TMEM181: variants seen among roughly 807,000 people sequenced by gnomAD.
The protein encoded by TMEM181 is G protein-coupled receptor 178.
Under a neutral mutation model 71.9 loss-of-function variants are expected in TMEM181, and 39 were observed. That is an observed-to-expected ratio of 0.54 (90% CI 0.42 to 0.71). The LOEUF is 0.71. Ranked by LOEUF, TMEM181 falls within the 30% of genes least tolerant of loss-of-function variation. The probability of loss-of-function intolerance (pLI) is 0.00; values close to 1 mark genes in which losing one functional copy is unlikely to be tolerated. For missense variants in TMEM181, 595 were observed against 583.0 expected (o/e 1.02, Z -0.21); for synonymous variants, 245 against 228.8 (o/e 1.07, Z -0.64).
Position 158,605,358 on chromosome 6 carries a change from T to A in TMEM181, c.573+11T>A, listed in dbSNP as rs1205206937. 1.2e-6 allele frequency: 2 copies of A among 1,613,340 alleles called. No homozygotes were observed. The highest frequency in any genetic ancestry group is 2.7e-5 in the African/African-American group (2 of 74,918). ...ACCTTCATCGTCACTGTGAGTACCA[T>A]TCGCCTGATGGACCGCAGCAGATCC... is the stretch of plus-strand genomic sequence containing the variant. On this transcript the variant is annotated intron_variant, in intron 7 of 16. Transcript: ENST00000684151.
chr6:158,576,845 G>C (rs1207028921), intron 2 of TMEM181, among the ~76,000 whole-genome samples: 1 of 151,870 alleles, frequency 6.6e-6, no homozygotes, highest in East Asian at 1.9e-4. Context: ...GGTGGATCAC[G>C]ACGTCAGGAG....
chr6:158,581,145 T>A, intron 3 of TMEM181, 150 bp downstream of exon 3: 1 of 722,026 alleles, frequency 1.4e-6, no homozygotes, highest in South Asian at 2.2e-5. Flanking sequence ...TGTCAGCTGC[T>A]GGCATCTGGG....
At chr6:158,583,007 G>C (rs768839923) in intron 3 of TMEM181, among the ~76,000 whole-genome samples, 17 of 152,122 alleles carry the variant, frequency 1.1e-4, no homozygotes, top group South Asian at 8.3e-4. Context: ...GGCCGAGGTG[G>C]GCTGATCATG....
chr6:158,552,319 T>C (rs906342949), intron 1 of TMEM181, among the ~76,000 whole-genome samples: 9 of 152,214 alleles, frequency 5.9e-5, no homozygotes, highest in Admixed American at 5.9e-4. Flanking sequence ...CACTTAGATA[T>C]CTTGGAAGTT....
rs971552528 is a variant in TMEM181, at chr6:158,634,767, A to G, written c.*2879A>G. 6.6e-6 allele frequency: 1 copy of G among 152,166 alleles called. No individual in the cohort carries two copies. The highest frequency in any genetic ancestry group is 2.1e-4 in the South Asian group (1 of 4,830). 9.4% of individuals were successfully genotyped at this position (152,166 alleles called of 1,614,324 possible). The stretch of plus-strand genomic sequence containing the variant: ...ACATTTTGTAAACCCAACCCACTAA[A>G]TGAGCAGGTTACAAGACAAATGTCA... On this transcript the variant is annotated 3_prime_UTR_variant, in exon 17 of 17. Transcript: ENST00000684151.
chr6:158,564,683 T>C (rs1782386137), intron 1 of TMEM181, among the ~76,000 whole-genome samples: 1 of 152,228 alleles, frequency 6.6e-6, no homozygotes, highest in Non-Finnish European at 1.5e-5. Context: ...GAGATGAATC[T>C]TCTGCCTCTC....
At chr6:158,537,157 C>A (rs893569674) in intron 1 of TMEM181, among the ~76,000 whole-genome samples, 6 of 152,106 alleles carry the variant, frequency 3.9e-5, no homozygotes, top group South Asian at 2.1e-4. Context: ...CCGAGGCTCC[C>A]GCCTCCCCGG....
intron 1 of TMEM181, among the ~76,000 whole-genome samples, chr6:158,560,615 T>A (rs899838057): frequency 6.6e-6 from 1 of 152,090 alleles, no homozygotes; most frequent in African/African-American, 2.4e-5. Context: ...CAGCCTCTCC[T>A]GCCGGAAAGG....
At chr6:158,560,693 G>C (rs1782113521) in intron 1 of TMEM181, among the ~76,000 whole-genome samples, 1 of 152,220 alleles carries the variant, frequency 6.6e-6, no homozygotes, top group Non-Finnish European at 1.5e-5. Flanking sequence ...CCAGCGCCGG[G>C]TGCGAGGCTC....
At chr6:158,608,606 C>A in intron 9 of TMEM181, 53 bp from the exon 10 acceptor site, 1 of 1,595,292 alleles carries the variant, frequency 6.3e-7, no homozygotes, top group Non-Finnish European at 8.5e-7. Context: ...ACGTTATGTA[C>A]AATTACCAAT....
intron 1 of TMEM181, among the ~76,000 whole-genome samples, chr6:158,568,594 T>C (rs2128290454): frequency 6.6e-6 from 1 of 152,300 alleles, no homozygotes; most frequent in Admixed American, 6.5e-5. Flanking sequence ...TTTAGAAATA[T>C]CCTCCCTTGG....
chr6:158,571,445 A>ATCT (rs1782832171), intron 1 of TMEM181, among the ~76,000 whole-genome samples: 2 of 133,182 alleles, frequency 1.5e-5, no homozygotes, highest in African/African-American at 2.8e-5. Context: ...TACAGGCCTG[A>ATCT]GCCACCACGC....
intron 2 of TMEM181, among the ~76,000 whole-genome samples, chr6:158,578,385 T>G (rs1210347259): frequency 6.6e-6 from 1 of 152,214 alleles, no homozygotes; most frequent in African/African-American, 2.4e-5. Flanking sequence ...CAACGTTATT[T>G]GAAAGACACA....
chr6:158,584,056 G>C lies in TMEM181; in HGVS notation c.259+12G>C. The stretch of plus-strand genomic sequence containing the variant: ...GGATCAATCAAAAGGTATGGAGCTT[G>C]ACATTTTGGAATGATTTTTCATTAT... On this transcript the variant is annotated intron_variant, in intron 4 of 16. Coordinates refer to ENST00000684151, the MANE Select transcript of TMEM181 (RefSeq NM_001376852.1). The C allele has an allele frequency of 1.9e-6, 3 of 1,580,612 alleles. No homozygotes were observed. The highest frequency in any genetic ancestry group is 2.6e-6 in the Non-Finnish European group (3 of 1,164,226).
chr6:158,598,146 C>A (rs1010434884), intron 6 of TMEM181, among the ~76,000 whole-genome samples: 15 of 152,208 alleles, frequency 9.9e-5, no homozygotes, highest in African/African-American at 3.6e-4. Flanking sequence ...TATGCAGTGA[C>A]CTTTGACACT....
intron 1 of TMEM181, among the ~76,000 whole-genome samples, chr6:158,571,205 T>C (rs567111607): frequency 1.4e-4 from 22 of 152,284 alleles, no homozygotes; most frequent in Admixed American, 4.6e-4. Context: ...CGTGCCATTC[T>C]CCCGCCTCAG....
In TMEM181 at chr6:158,608,491, G is replaced by A. The variant is rs372929273; in HGVS notation, c.804+28G>A. 1.9e-5 allele frequency: 31 copies of A among 1,613,890 alleles called. No homozygotes were observed. In the South Asian group the frequency reaches 2.9e-4, roughly 15 times the overall value. The stretch of plus-strand genomic sequence containing the variant: ...GAGCCGGAGCCGCCCTCACTGCCGG[G>A]GGAGGTTCCAGACTGTGTCCTCCCT... On this transcript the variant is annotated intron_variant, in intron 9 of 16. Transcript: ENST00000684151.
chr6:158,539,545 C>G (rs922158146), intron 1 of TMEM181, among the ~76,000 whole-genome samples: 1 of 152,238 alleles, frequency 6.6e-6, no homozygotes, highest in African/African-American at 2.4e-5. Flanking sequence ...GGACTCACCT[C>G]ACGTGGTTGG....
At chr6:158,536,928 AC>A in intron 1 of TMEM181, 5 of 1,193,060 alleles carry the variant, frequency 4.2e-6, no homozygotes, top group Non-Finnish European at 5.2e-6. Flanking sequence ...CCCCTCCGGG[AC>A]CCCGGCGCGC....
Sources: gnomAD v4.1 joint callset for allele counts (sites outside exome capture counted in the v4.1 genomes callset) on GRCh38, gnomAD v4.1.1 for gene constraint, MANE v1.5 for transcripts, NCBI Gene and HGNC (gene_info 2026-07-23, HGNC 2026-07-21) for gene names.